The following FBXO38 variants were observed in gnomAD, a reference collection of about 807,000 sequenced individuals.
FBXO38 encodes the protein F-box protein 38, also known as F-box only protein 38.
FBXO38 carries 53 observed loss-of-function variants against 131.9 expected under a neutral mutation model. The ratio of observed to expected loss-of-function variants is 0.40; its 90% CI spans 0.32 to 0.51. FBXO38 has a LOEUF of 0.51. FBXO38 is among the 20% of genes least tolerant of loss of function. The pLI, the probability that FBXO38 is intolerant of heterozygous loss-of-function variation, is 0.53. For synonymous variants in FBXO38, 452 were observed against 505.6 expected (o/e 0.89, Z 1.42); for missense variants, 1,076 against 1,475.6 (o/e 0.73, Z 4.44).
At chr5:148,384,147 G>C (rs1757784220) in intron 1 of FBXO38, 108 bp downstream of exon 1, 1 of 152,646 alleles carries the variant, frequency 6.6e-6, no homozygotes, top group Non-Finnish European at 1.5e-5. Context: ...ACTTCCGACC[G>C]CTTAAGCTCG....
Position 148,438,504 on chromosome 5 carries a change from G to A in FBXO38, c.3024+6G>A, listed in dbSNP as rs146510581. On this transcript the variant is annotated splice_donor_region_variant and intron_variant, in intron 18 of 21. Coordinates refer to ENST00000340253, the MANE Select transcript of FBXO38 (RefSeq NM_205836.3). ...ACCTACGCCCAATGCAGCAGGTAAC[G>A]AGCTTTGCTTCTTTCCGATGATACA... 14 of 1,607,606 alleles carry A rather than the reference G, an allele frequency of 8.7e-6. No homozygotes were observed. Among genetic ancestry groups the A allele is most frequent in the East Asian group, 6.7e-5 (3 of 44,770 alleles).
chr5:148,400,923 C>A (rs1048424718), intron 3 of FBXO38, among the ~76,000 whole-genome samples: 1 of 152,026 alleles, frequency 6.6e-6, no homozygotes, highest in Non-Finnish European at 1.5e-5. Flanking sequence ...TTGAATCGTT[C>A]AGTCATTAAA....
intron 14 of FBXO38, 91 bp downstream of exon 14, chr5:148,425,792 CAT>C: frequency 1.8e-6 from 2 of 1,102,154 alleles, no homozygotes; most frequent in Non-Finnish European, 2.6e-6. Context: ...GTGCAGTTAA[CAT>C]ATATTACGGA....
chr5:148,414,093 A>G (rs764698792), intron 9 of FBXO38, 43 bp from the exon 10 acceptor site: 31 of 1,561,808 alleles, frequency 2.0e-5, no homozygotes, highest in Non-Finnish European at 2.0e-5. Context: ...CCTAACACTT[A>G]AGAATTTGAC....
chr5:148,418,016 C>T (rs1421406873), intron 12 of FBXO38, among the ~76,000 whole-genome samples: 2 of 152,248 alleles, frequency 1.3e-5, no homozygotes, highest in East Asian at 3.9e-4. Flanking sequence ...TAGGGGCACT[C>T]TGAGTATACA....
chr5:148,393,191 G>C (rs899623133), intron 1 of FBXO38, among the ~76,000 whole-genome samples: 1 of 100,468 alleles, frequency 1.0e-5, no homozygotes, highest in African/African-American at 4.5e-5. Context: ...GAAGAGGGGT[G>C]TGTGTGTGTG....
chr5:148,392,474 T>C (rs1463018508), intron 1 of FBXO38, among the ~76,000 whole-genome samples: 1 of 152,064 alleles, frequency 6.6e-6, no homozygotes, highest in Non-Finnish European at 1.5e-5. Flanking sequence ...TTTTGAAGGA[T>C]GTTCAAGTTA....
rs1752699187 is a variant in FBXO38, at chr5:148,410,676, G to A, written c.1004G>A (p.Gly335Asp). 1 of 1,614,008 alleles carries A rather than the reference G, an allele frequency of 6.2e-7. No individual in the cohort carries two copies. Among genetic ancestry groups the A allele is most frequent in the Non-Finnish European group, 8.5e-7 (1 of 1,179,958 alleles). Residue 335 changes from glycine (G) to aspartate (D), a missense_variant, in exon 9 of 22, where the codon GGT (glycine) becomes GAT (aspartate). Gly to Asp is a moderately conservative substitution (Grantham distance 94). Transcript: ENST00000340253. Reference sequence around the variant, plus strand: ...ATCCAGCCTTCCCTAACCAAAGATGGTGTCTTTTCTGCCCTAAAGATGGCA... The same window carrying A: ...ATCCAGCCTTCCCTAACCAAAGATGATGTCTTTTCTGCCCTAAAGATGGCA... ...VRIQPSLTKD[G>D]VFSALKMAEL...
chr5:148,385,189 C>T (rs1203793965), intron 1 of FBXO38: 1 of 152,200 alleles, frequency 6.6e-6, no homozygotes, highest in African/African-American at 2.4e-5. Context: ...TTTAGATTAT[C>T]TGTAAGCCTT....
At chr5:148,406,203 A>G in intron 6 of FBXO38, 54 bp from the exon 7 acceptor site, 1 of 1,454,886 alleles carries the variant, frequency 6.9e-7, no homozygotes, top group Non-Finnish European at 9.2e-7. Context: ...CTGATTTGAA[A>G]TTCATTTTAA....
intron 10 of FBXO38, among the ~76,000 whole-genome samples, chr5:148,414,576 G>A (rs1752947490): frequency 6.6e-6 from 1 of 152,068 alleles, no homozygotes; most frequent in South Asian, 2.1e-4. Context: ...CTTTGGGCTA[G>A]GAACATAAAA....
chr5:148,404,846 A>T, intron 6 of FBXO38, 24 bp downstream of exon 6: 1 of 1,569,440 alleles, frequency 6.4e-7, no homozygotes, highest in Non-Finnish European at 8.6e-7. Context: ...ATTATGGTGG[A>T]ATTAAACATA....
intron 1 of FBXO38, among the ~76,000 whole-genome samples, chr5:148,385,923 A>T (rs1264311128): frequency 6.6e-6 from 1 of 152,178 alleles, no homozygotes; most frequent in Non-Finnish European, 1.5e-5. Flanking sequence ...TCACGAGGGT[A>T]AAGAAAAGTA....
At position 148,427,634 on chromosome 5, in the gene FBXO38, G is replaced by T. The variant is rs143193609; in HGVS notation, c.2340G>T (p.Arg780Ser). ...SSVCPRCCCH[R>S]PQESQRRTSR... is the part of the protein sequence containing the mutation. Reference sequence around the variant, plus strand: ...TCTGCCCCAGATGCTGCTGTCACAGGCCCCAGGAATCCCAAAGGAGAACTA... The same window carrying T: ...TCTGCCCCAGATGCTGCTGTCACAGTCCCCAGGAATCCCAAAGGAGAACTA... Residue 780 changes from arginine (R) to serine (S), a missense_variant, in exon 15 of 22, where the codon AGG (arginine) becomes AGT (serine). Transcript: ENST00000340253. 5.6e-6 allele frequency: 9 copies of T among 1,614,176 alleles called. No homozygotes were observed. The highest frequency in any genetic ancestry group is 7.6e-6 in the Non-Finnish European group (9 of 1,180,018).
chr5:148,415,640 TAA>T (rs1753008985), intron 10 of FBXO38, among the ~76,000 whole-genome samples: 1 of 152,178 alleles, frequency 6.6e-6, no homozygotes, highest in Non-Finnish European at 1.5e-5. Flanking sequence ...CATAATTTTT[TAA>T]TTCAGTGTCC....
At chr5:148,433,274 TG>T in intron 15 of FBXO38, 149 bp from the exon 16 acceptor site, 1 of 597,612 alleles carries the variant, frequency 1.7e-6, no homozygotes, top group Non-Finnish European at 3.0e-6. Context: ...AACAATCCAC[TG>T]GAAATACCAA....
chr5:148,416,132 T>A, intron 11 of FBXO38, 62 bp downstream of exon 11: 4 of 1,432,488 alleles, frequency 2.8e-6, no homozygotes, highest in Non-Finnish European at 2.8e-6. Flanking sequence ...AAACAGCCTG[T>A]GATTTTTTTT....
intron 17 of FBXO38, 34 bp downstream of exon 17, chr5:148,433,771 C>A: frequency 8.4e-7 from 1 of 1,189,382 alleles, no homozygotes; most frequent in Non-Finnish European, 1.2e-6. Flanking sequence ...ACAAGAGTAT[C>A]ATGAATGAGT....
intron 2 of FBXO38, among the ~76,000 whole-genome samples, chr5:148,396,077 T>C (rs950158083): frequency 6.6e-6 from 1 of 152,166 alleles, no homozygotes; most frequent in African/African-American, 2.4e-5. Flanking sequence ...TTTTTTCTAA[T>C]ATAAATGTGT....
Sources: gnomAD v4.1 joint callset for allele counts (sites outside exome capture counted in the v4.1 genomes callset) on GRCh38, gnomAD v4.1.1 for gene constraint, MANE v1.5 for transcripts, NCBI Gene and HGNC (gene_info 2026-07-23, HGNC 2026-07-21) for gene names.